PDE8B: variants seen among roughly 807,000 people sequenced by gnomAD.
PDE8B encodes the protein phosphodiesterase 8B, also known as high affinity cAMP-specific and IBMX-insensitive 3',5'-cyclic phosphodiesterase 8B.
A neutral mutation model predicts 101.3 loss-of-function variants in PDE8B; 26 were observed. The observed-to-expected ratio is 0.26, with a 90% CI of 0.19 to 0.36. The LOEUF (loss-of-function observed/expected upper bound fraction) is 0.36, where lower values mean the gene tolerates loss of function less well. Among genes scored for constraint, PDE8B ranks in the 10% least tolerant of loss-of-function variants. PDE8B has a pLI of 1.00. For missense variants in PDE8B, 810 were observed against 1,163.1 expected, an observed-to-expected ratio of 0.70 and a Z score of 4.42; for synonymous variants, 424 against 429.3, an observed-to-expected ratio of 0.99 and a Z score of 0.15.
intron 2 of PDE8B, among the ~76,000 whole-genome samples, chr5:77,316,401 T>C (rs1773774971): frequency 6.6e-6 from 1 of 152,122 alleles, no homozygotes; most frequent in African/African-American, 2.4e-5. Context: ...GCCTGGCTAA[T>C]TTTTGTATTT....
the PDE8B span, among the ~76,000 whole-genome samples, chr5:77,109,927 G>GTTTTTT: frequency 8.3e-4 from 56 of 67,264 alleles, 5 homozygotes; most frequent in African/African-American, 1.8e-3. Context: ...TTGTATTTCA[G>GTTTTTT]TTTTTTTTTT....
chr5:77,120,561 A>G, the PDE8B span, among the ~76,000 whole-genome samples: 1 of 152,256 alleles, frequency 6.6e-6, no homozygotes, highest in African/African-American at 2.4e-5. Flanking sequence ...AGAATAATAG[A>G]TAAATGGATA....
Position 77,424,819 on chromosome 5 carries a change from G to T in PDE8B, c.2419-948G>T, listed in dbSNP as rs375851557. Among the ~76,000 whole-genome samples the T allele has an allele frequency of 2.1e-3, 229 of 110,058 alleles. 1 individual carries two copies. The highest frequency in any genetic ancestry group is 6.2e-3 in the African/African-American group (196 of 31,462). 72.2% of individuals were successfully genotyped at this position (110,058 alleles called of 152,430 possible). On this transcript the variant is annotated intron_variant, in intron 20 of 21. Transcript: ENST00000264917. ...CAAGTGAAACTGGTTCTGTTTTTTT[G>T]TTTTTTGTTTTTTGTTTTTAATGTG...
At chr5:77,217,908 CTCT>C (rs1209717372) in intron 1 of PDE8B, among the ~76,000 whole-genome samples, 1 of 152,152 alleles carries the variant, frequency 6.6e-6, no homozygotes, top group Non-Finnish European at 1.5e-5. Flanking sequence ...CTTCCCTAGT[CTCT>C]TTTTTTCTTC....
At chr5:77,385,234 C>G (rs1228968873) in intron 10 of PDE8B, among the ~76,000 whole-genome samples, 2 of 152,112 alleles carry the variant, frequency 1.3e-5, no homozygotes, top group Admixed American at 6.6e-5. Context: ...TTATCTGTTT[C>G]TTCTAGATTT....
At chr5:77,251,684 C>T (rs1403495910) in intron 1 of PDE8B, among the ~76,000 whole-genome samples, 2 of 152,148 alleles carry the variant, frequency 1.3e-5, no homozygotes, top group Non-Finnish European at 2.9e-5. Context: ...CTGTATCCAC[C>T]GCATCGCTCT....
chr5:77,210,948 A>G lies in PDE8B; in HGVS notation c.23A>G (p.His8Arg), dbSNP rs768479647. The G allele has an allele frequency of 1.3e-6, 2 of 1,514,322 alleles. No individual in the cohort carries two copies. Among genetic ancestry groups the G allele is most frequent in the South Asian group, 2.4e-5 (2 of 81,784 alleles). 93.8% of individuals were successfully genotyped at this position (1,514,322 alleles called of 1,614,324 possible). A position where few individuals can be genotyped will look rare whatever the true frequency, so the allele number is the denominator to read the frequency against. Residue 8 changes from histidine to arginine, a missense_variant, in exon 1 of 22, where the codon CAT becomes CGT. His to Arg is a conservative substitution (Grantham distance 29). This residue lies in a region of PDE8B where 159 missense variants were observed against 146.6 expected (regional missense o/e 1.08). Transcript: ENST00000264917. The surrounding 1 kb of genome is among the most constrained non-coding windows in gnomAD (Gnocchi z 4.9). The part of the protein sequence containing the change: MGCAPSI[H>R]VSQSGVIYCR... ...GGGATGGGCTGCGCCCCCAGCATCCATGTCTCGCAGAGCGGCGTGATCTAC... is the reference window on the plus strand; with the variant it reads ...GGGATGGGCTGCGCCCCCAGCATCCGTGTCTCGCAGAGCGGCGTGATCTAC...
At chr5:77,291,988 G>T (rs1767461268) in intron 1 of PDE8B, among the ~76,000 whole-genome samples, 1 of 149,122 alleles carries the variant, frequency 6.7e-6, no homozygotes, top group Non-Finnish European at 1.5e-5. Context: ...AAATAAAATT[G>T]TTACAACATT....
intron 10 of PDE8B, among the ~76,000 whole-genome samples, chr5:77,393,930 A>G (rs549515696): frequency 6.6e-6 from 1 of 152,200 alleles, no homozygotes; most frequent in Non-Finnish European, 1.5e-5. Context: ...TCGGCTCTAT[A>G]AAGTCAATGT....
chr5:77,361,072 C>CAAGG (rs1385809041), intron 10 of PDE8B, among the ~76,000 whole-genome samples: 6 of 152,236 alleles, frequency 3.9e-5, no homozygotes, highest in Non-Finnish European at 2.9e-5. Flanking sequence ...TCCATCCCTT[C>CAAGG]CCAAGCACAT....
chr5:77,094,880 C>T, the PDE8B span, among the ~76,000 whole-genome samples: 1 of 152,190 alleles, frequency 6.6e-6, no homozygotes, highest in Admixed American at 6.5e-5. Context: ...CCAGGTAGGG[C>T]TTTAATCTAT....
intron 4 of PDE8B, 130 bp from the exon 5 acceptor site, chr5:77,331,272 G>A: frequency 1.2e-6 from 1 of 803,916 alleles, no homozygotes. Flanking sequence ...TGTGCCCCGT[G>A]GGCACGTGCT....
At chr5:77,261,806 T>A (rs1001630489) in intron 1 of PDE8B, among the ~76,000 whole-genome samples, 9 of 152,228 alleles carry the variant, frequency 5.9e-5, no homozygotes, top group Non-Finnish European at 1.3e-4. Context: ...TACTCCTGAC[T>A]TTTAGAAGGC....
intron 20 of PDE8B, among the ~76,000 whole-genome samples, chr5:77,422,629 G>A (rs34420432): frequency 0.1 from 15,561 of 152,114 alleles, 876 homozygotes; most frequent in South Asian, 0.14. Flanking sequence ...TAGCAGTGTA[G>A]AGAGTTAAAG....
At chr5:77,188,188 T>C in the PDE8B span, among the ~76,000 whole-genome samples, 6 of 152,202 alleles carry the variant, frequency 3.9e-5, no homozygotes, top group Admixed American at 1.3e-4. Context: ...AAGACCCTCT[T>C]AGTAACCTAA....
chr5:77,156,829 A>G, the PDE8B span, among the ~76,000 whole-genome samples: 1 of 152,132 alleles, frequency 6.6e-6, no homozygotes, highest in African/African-American at 2.4e-5. Flanking sequence ...GATGGGGTGT[A>G]GAAACCCCTT....
intron 1 of PDE8B, among the ~76,000 whole-genome samples, chr5:77,299,072 C>G (rs1312425916): frequency 6.6e-6 from 1 of 152,156 alleles, no homozygotes; most frequent in East Asian, 1.9e-4. Context: ...TGTCTCCTGG[C>G]CCTATCTCTG....
intron 1 of PDE8B, among the ~76,000 whole-genome samples, chr5:77,302,192 C>A (rs770007156): frequency 6.6e-6 from 1 of 152,150 alleles, no homozygotes; most frequent in Admixed American, 6.5e-5. Flanking sequence ...TGCATGACTT[C>A]TGTGTTTATT....
intron 10 of PDE8B, among the ~76,000 whole-genome samples, chr5:77,370,721 G>A (rs1784936248): frequency 6.6e-6 from 1 of 152,154 alleles, no homozygotes; most frequent in Admixed American, 6.6e-5. Flanking sequence ...GTTTACTTTT[G>A]TAAGAAACTG....
Sources: gnomAD v4.1 joint callset for allele counts (sites outside exome capture counted in the v4.1 genomes callset) on GRCh38, gnomAD v4.1.1 for gene constraint, gnomAD v4.1.1 regional missense constraint, Gnocchi (gnomAD v3.1) non-coding constraint, MANE v1.5 for transcripts, NCBI Gene and HGNC (gene_info 2026-07-23, HGNC 2026-07-21) for gene names.